EPS15L1: variants seen among roughly 807,000 people sequenced by gnomAD.
EPS15L1 encodes epidermal growth factor receptor substrate 15-like 1.
A neutral mutation model predicts 117.1 loss-of-function variants in EPS15L1; 43 were observed. The observed-to-expected ratio is 0.37, with a 90% CI of 0.29 to 0.47. The LOEUF is 0.47. Ranked by LOEUF, EPS15L1 falls within the 20% of genes least tolerant of loss-of-function variation. The pLI, the probability that EPS15L1 is intolerant of heterozygous loss-of-function variation, is 0.99. For synonymous variants in EPS15L1, 459 were observed against 470.5 expected (o/e 0.98, Z 0.32); for missense variants, 981 against 1,164.0 (o/e 0.84, Z 2.29).
intron 18 of EPS15L1, among the ~76,000 whole-genome samples, chr19:16,393,500 T>C (rs1302644122): frequency 6.6e-6 from 1 of 151,132 alleles, no homozygotes. Flanking sequence ...ATACAAAAAA[T>C]TAGCCGGGCG....
rs938841597 is a variant in EPS15L1 at position 16,405,721 on chromosome 19, G to A, written c.1267-972C>T. The stretch of plus-strand genomic sequence containing the variant: ...TGCGAACGGGAAGGGGAGGGTATGT[G>A]TGGTATGCATCAACCTTTCTGGAAG... On this transcript the variant is annotated intron_variant, in intron 13 of 23. Coordinates refer to ENST00000455140, the MANE Select transcript of EPS15L1 (RefSeq NM_001258374.3). This position sits in a 1 kb window ranked among gnomAD's most constrained non-coding sequence, Gnocchi z 4.0. Among the ~76,000 whole-genome samples the A allele has an allele frequency of 2.0e-5, 3 of 152,214 alleles. No individual in the cohort carries two copies. The highest frequency in any genetic ancestry group is 4.4e-5 in the Non-Finnish European group (3 of 68,030).
At position 16,405,069 on chromosome 19, in the gene EPS15L1, A is replaced by C. The variant is rs1359320627; in HGVS notation, c.1267-320T>G. On this transcript the variant is annotated intron_variant, in intron 13 of 23. Transcript: ENST00000455140. The surrounding 1 kb of genome is among the most constrained non-coding windows in gnomAD (Gnocchi z 4.0). ...ACATGCAGCTGTGGCTGCGGAGGGGAACATCACCCAAACGCAAATAAACGT... is the reference window on the plus strand; with the variant it reads ...ACATGCAGCTGTGGCTGCGGAGGGGCACATCACCCAAACGCAAATAAACGT... Among the ~76,000 whole-genome samples the C allele has an allele frequency of 1.3e-5, 2 of 152,152 alleles. No individual in the cohort carries two copies. The highest frequency in any genetic ancestry group is 2.9e-5 in the Non-Finnish European group (2 of 68,026).
At chr19:16,452,472 G>C (rs1283332486) in intron 1 of EPS15L1, among the ~76,000 whole-genome samples, 1 of 149,118 alleles carries the variant, frequency 6.7e-6, no homozygotes, top group Admixed American at 6.7e-5. Flanking sequence ...ACACAAGCCA[G>C]AGCCAGGTGT....
chr19:16,371,255 G>C lies in EPS15L1; in HGVS notation c.2380+5867C>G, dbSNP rs1302322450. ...AGAGCTGGCAGCACTTAGGACCTCAGGGCTTCCTCGGTGGCTGCATCCTGT... is the reference window on the plus strand; with the variant it reads ...AGAGCTGGCAGCACTTAGGACCTCACGGCTTCCTCGGTGGCTGCATCCTGT... On this transcript the variant is annotated intron_variant, in intron 22 of 23. Transcript: ENST00000455140. This position sits in a 1 kb window ranked among gnomAD's most constrained non-coding sequence, Gnocchi z 4.7. Among the ~76,000 whole-genome samples the C allele has an allele frequency of 6.6e-6, 1 of 152,178 alleles. No homozygotes were observed. The highest frequency in any genetic ancestry group is 2.4e-5 in the African/African-American group (1 of 41,434).
chr19:16,397,682 T>G (rs1414464249), intron 16 of EPS15L1, among the ~76,000 whole-genome samples: 2 of 152,106 alleles, frequency 1.3e-5, no homozygotes, highest in African/African-American at 4.8e-5. Flanking sequence ...ACACAATGCT[T>G]TGCATTTTTT....
rs3786578 is a variant in EPS15L1 at position 16,363,460 on chromosome 19, C to T, written c.2381-1476G>A. ...AGAACGAGCCCACACAGGCCAGCCT[C>T]GGTCCCTCTCCATGCCCAGATCTAA... On this transcript the variant is annotated intron_variant, in intron 22 of 23. Transcript: ENST00000455140. Among the ~76,000 whole-genome samples the T allele has an allele frequency of 2.4e-3, 366 of 152,282 alleles. 14 individuals carry two copies. In the East Asian group the frequency reaches 0.065, roughly 27 times the overall value.
At chr19:16,465,843 C>A (rs753540620) in intron 1 of EPS15L1, among the ~76,000 whole-genome samples, 16 of 152,094 alleles carry the variant, frequency 1.1e-4, no homozygotes, top group Non-Finnish European at 2.2e-4. Flanking sequence ...TAAAAACAAA[C>A]AAACAAAAAA....
chr19:16,361,585 C>CTTTT, intron 23 of EPS15L1, 194 bp downstream of exon 23: 2 of 1,091,180 alleles, frequency 1.8e-6, no homozygotes, highest in Non-Finnish European at 1.2e-6. Flanking sequence ...AACTGCGGCT[C>CTTTT]TTTTTTTTTT....
At chr19:16,394,025 C>T (rs764964505) in intron 17 of EPS15L1, 24 bp from the exon 18 acceptor site, 7 of 1,613,004 alleles carry the variant, frequency 4.3e-6, no homozygotes, top group Non-Finnish European at 5.1e-6. Context: ...GAGAGAAATG[C>T]TTATTAGCTC....
chr19:16,459,640 A>G (rs2093229636), intron 1 of EPS15L1, among the ~76,000 whole-genome samples: 1 of 152,200 alleles, frequency 6.6e-6, no homozygotes, highest in Non-Finnish European at 1.5e-5. Context: ...ACCTGGCCTG[A>G]GGATGCTGGT....
At chr19:16,359,607 T>C (rs2092024923) in intron 23 of EPS15L1, among the ~76,000 whole-genome samples, 1 of 152,176 alleles carries the variant, frequency 6.6e-6, no homozygotes, top group African/African-American at 2.4e-5. Context: ...ATGCCTGTAA[T>C]CCCAACACTT....
At chr19:16,358,791 A>G (rs1378247747) in intron 23 of EPS15L1, among the ~76,000 whole-genome samples, 1 of 152,172 alleles carries the variant, frequency 6.6e-6, no homozygotes, top group South Asian at 2.1e-4. Context: ...TCATTTACCG[A>G]CAATGAAATT....
intron 13 of EPS15L1, chr19:16,412,698 C>T (rs962417246): frequency 4.0e-4 from 27 of 67,436 alleles, no homozygotes; most frequent in African/African-American, 1.7e-3. Context: ...CGGATGACAC[C>T]GGTGCAGCGG....
At chr19:16,422,972 G>A (rs184120367) in intron 9 of EPS15L1, among the ~76,000 whole-genome samples, 16 of 105,452 alleles carry the variant, frequency 1.5e-4, no homozygotes, top group South Asian at 2.9e-4. Flanking sequence ...AAAAAAAAAG[G>A]GGGGGGGGAT....
chr19:16,451,802 T>C (rs1320132411), intron 1 of EPS15L1, among the ~76,000 whole-genome samples: 1 of 149,956 alleles, frequency 6.7e-6, no homozygotes, highest in Admixed American at 6.6e-5. Context: ...GTGCTGGGAT[T>C]ACAGGCGTGA....
rs74480758 is a variant in EPS15L1 at position 16,367,937 on chromosome 19, G to A, written c.2381-5953C>T. 4.5e-3 allele frequency among the ~76,000 whole-genome samples: 690 copies of A among 151,840 alleles called. 17 individuals are homozygous for A. In the East Asian group the frequency reaches 0.047, roughly 10 times the overall value. On this transcript the variant is annotated intron_variant, in intron 22 of 23. Transcript: ENST00000455140. ...GGTGAGGTATGGTCTCAATCAATCC[G>A]ATTAATAAAAATATTAGTAATAAAC...
In EPS15L1 at chr19:16,402,464, G is replaced by A; in HGVS notation, c.1648C>T (p.Leu550=). The A allele has an allele frequency of 6.2e-7, 1 of 1,607,716 alleles. No individual in the cohort carries two copies. The highest frequency in any genetic ancestry group is 1.1e-5 in the South Asian group (1 of 90,282). ...TGGGCCTCCTGGCGGCTTTCATGCA[G>A]CTGGGAAAGTTTGCTCCTTGCCTGT... ...INQARSKLSQ[L]HESRQEAHRS... is the part of the protein sequence containing the mutation. Residue 550 remains leucine (L), a synonymous_variant, in exon 16 of 24, where the codon CTG becomes TTG. Transcript: ENST00000455140.
intron 18 of EPS15L1, 137 bp downstream of exon 18, chr19:16,393,814 A>G: frequency 1.1e-6 from 1 of 881,920 alleles, no homozygotes; most frequent in South Asian, 1.5e-5. Flanking sequence ...AATGGGTACA[A>G]CATGGATGGA....
intron 19 of EPS15L1, among the ~76,000 whole-genome samples, chr19:16,386,584 A>G (rs893268827): frequency 3.7e-4 from 57 of 152,348 alleles, no homozygotes; most frequent in African/African-American, 1.3e-3. Flanking sequence ...AGGAAGGCAC[A>G]GTGAGGGTGC....
Sources: allele counts gnomAD v4.1 joint callset (sites outside exome capture counted in the v4.1 genomes callset), GRCh38; gene constraint gnomAD v4.1.1; non-coding constraint Gnocchi (gnomAD v3.1); transcripts MANE v1.5; gene names NCBI Gene and HGNC (gene_info 2026-07-23, HGNC 2026-07-21).